AFM: variants seen among roughly 807,000 people sequenced by gnomAD.
The protein encoded by AFM is alpha-Alb.
Under a neutral mutation model 68.7 loss-of-function variants are expected in AFM, and 82 were observed. That is an observed-to-expected ratio of 1.19 (90% CI 1.00 to 1.43). AFM has a LOEUF of 1.43. Among genes scored for constraint, AFM ranks in the 40% most tolerant of loss-of-function variants. The probability of loss-of-function intolerance (pLI) is 0.00; values close to 1 mark genes in which losing one functional copy is unlikely to be tolerated. For synonymous variants in AFM, 250 were observed against 234.2 expected, an observed-to-expected ratio of 1.07 and a Z score of -0.61; for missense variants, 772 against 701.8, an observed-to-expected ratio of 1.10 and a Z score of -1.13.
intron 4 of AFM, 28 bp downstream of exon 4, chr4:73,486,101 C>T (rs756571033): frequency 3.2e-6 from 5 of 1,569,976 alleles, no homozygotes; most frequent in Admixed American, 1.7e-5. Flanking sequence ...AAAAAATGAT[C>T]CAGTTGAAGA....
intron 3 of AFM, among the ~76,000 whole-genome samples, chr4:73,485,605 A>C (rs1225550701): frequency 2.1e-4 from 31 of 146,152 alleles, no homozygotes; most frequent in African/African-American, 7.2e-4. Context: ...AGGAAGAGGA[A>C]GAGGAAGAGG....
At chr4:73,502,795 T>C (rs1040022193) in intron 13 of AFM, among the ~76,000 whole-genome samples, 1 of 152,308 alleles carries the variant, frequency 6.6e-6, no homozygotes, top group African/African-American at 2.4e-5. Flanking sequence ...GTAAAGGATA[T>C]TAATCAATAT....
intron 3 of AFM, 88 bp downstream of exon 3, chr4:73,484,478 C>A (rs1431871929): frequency 6.4e-6 from 4 of 624,536 alleles, no homozygotes; most frequent in Non-Finnish European, 7.4e-6. Flanking sequence ...TTCTTTCTTT[C>A]TTTCTTTCTT....
rs377059229 is a variant in AFM, at chr4:73,500,057, C to T, written c.1476C>T (p.Asn492=). The T allele has an allele frequency of 3.0e-5, 48 of 1,614,018 alleles. No individual in the cohort carries two copies. In the African/African-American group the frequency reaches 4.8e-4, roughly 16 times the overall value. ...GAGTAAATGAAAATCGAACTATCAA[C>T]CCTGCTGTGGACCACTGCTGTAAAA... The part of the protein sequence containing the change: ...LCGVNENRTI[N]PAVDHCCKTN... Residue 492 remains asparagine (N), a synonymous_variant, in exon 12 of 15, where the codon AAC becomes AAT. Coordinates refer to ENST00000226355, the MANE Select transcript of AFM (RefSeq NM_001133.2).
intron 12 of AFM, among the ~76,000 whole-genome samples, chr4:73,500,632 G>A (rs1360274659): frequency 6.6e-6 from 1 of 152,122 alleles, no homozygotes; most frequent in Non-Finnish European, 1.5e-5. Flanking sequence ...AAAATGCCAG[G>A]AAATTAGACC....
intron 12 of AFM, 59 bp downstream of exon 12, chr4:73,500,286 G>A: frequency 1.4e-6 from 2 of 1,422,862 alleles, no homozygotes; most frequent in East Asian, 2.5e-5. Context: ...CCATGTATTA[G>A]TGAGAAGGTT....
chr4:73,482,818 G>T (rs1720750974), intron 1 of AFM, among the ~76,000 whole-genome samples: 1 of 151,786 alleles, frequency 6.6e-6, no homozygotes, highest in Non-Finnish European at 1.5e-5. Flanking sequence ...TTTTCTATTT[G>T]TCTGGCACTG....
At chr4:73,488,499 T>C (rs1388283905) in intron 6 of AFM, 131 bp from the exon 7 acceptor site, 2 of 733,408 alleles carry the variant, frequency 2.7e-6, no homozygotes, top group East Asian at 5.9e-5. Context: ...GATAAAGACT[T>C]CTATAAAAAC....
Position 73,490,228 on chromosome 4 carries a change from AG to A in AFM, c.843+1471del, listed in dbSNP as rs574659146. 2.3e-3 allele frequency among the ~76,000 whole-genome samples: 346 copies of A among 151,900 alleles called. 2 individuals carry two copies. The highest frequency in any genetic ancestry group is 8.1e-3 in the African/African-American group (335 of 41,452). On this transcript the variant is annotated intron_variant, in intron 7 of 14. Coordinates refer to ENST00000226355, the MANE Select transcript of AFM (RefSeq NM_001133.2). ...AGAAAGAAAGAAAGATTCAACTTTT[AG>A]GCTTACAGTGAAGATAGCATGTCAA... is the stretch of plus-strand genomic sequence containing the variant.
chr4:73,490,528 T>A (rs1035639991), intron 7 of AFM, among the ~76,000 whole-genome samples: 2 of 152,188 alleles, frequency 1.3e-5, no homozygotes, highest in African/African-American at 4.8e-5. Flanking sequence ...CACGCCATTC[T>A]CCTGCCTCAG....
chr4:73,481,953 T>A, intron 1 of AFM, 90 bp downstream of exon 1: 1 of 930,776 alleles, frequency 1.1e-6, no homozygotes, highest in Non-Finnish European at 1.6e-6. Flanking sequence ...GTTAATTCTT[T>A]ACTTGCTTTT....
intron 7 of AFM, among the ~76,000 whole-genome samples, chr4:73,489,935 G>A (rs1353877750): frequency 6.6e-6 from 1 of 152,138 alleles, no homozygotes; most frequent in Admixed American, 6.5e-5. Flanking sequence ...GTATACCTAT[G>A]TAACAAGCCT....
chr4:73,495,522 G>T, intron 9 of AFM, 90 bp downstream of exon 9: 3 of 1,521,424 alleles, frequency 2.0e-6, no homozygotes, highest in Non-Finnish European at 2.7e-6. Context: ...TGCAGTCTGG[G>T]GGTAGAAAAT....
intron 10 of AFM, 31 bp from the exon 11 acceptor site, chr4:73,499,083 T>C (rs1489505530): frequency 6.2e-7 from 1 of 1,600,494 alleles, no homozygotes; most frequent in Non-Finnish European, 8.5e-7. Flanking sequence ...TCTGCTTTCA[T>C]TCAGAACCAA....
chr4:73,487,874 C>G, intron 6 of AFM, 53 bp downstream of exon 6: 2 of 1,285,460 alleles, frequency 1.6e-6, no homozygotes, highest in Non-Finnish European at 2.2e-6. Flanking sequence ...TGTCTGTGTC[C>G]CATTTTTGTT....
At chr4:73,482,003 C>G in intron 1 of AFM, 140 bp downstream of exon 1, 1 of 609,382 alleles carries the variant, frequency 1.6e-6, no homozygotes, top group East Asian at 3.1e-5. Context: ...ACCAGTTATC[C>G]AAAACTAACC....
rs775561120 is a variant in AFM, at chr4:73,481,843, C to A, written c.68C>A (p.Pro23His). ...TTTTTGACTGAATCCCTAACCCTGC[C>A]CACACAACCTCGGGATATAGGTAAG... Reference protein sequence around the residue: ...LFFLTESLTLPTQPRDIENFN... With the variant: ...LFFLTESLTLHTQPRDIENFN... The change falls in exon 1 of 15, where the codon CCC (proline) becomes CAC (histidine). Residue 23 changes from proline (P) to histidine (H), a missense_variant. By Grantham distance (77) the Pro-to-His change is moderately conservative. Transcript: ENST00000226355. 2 of 1,606,170 alleles carry A rather than the reference C, an allele frequency of 1.2e-6. No homozygotes were observed. Among genetic ancestry groups the A allele is most frequent in the South Asian group, 2.2e-5 (2 of 89,394 alleles).
chr4:73,502,163 T>A (rs994274431), intron 13 of AFM, among the ~76,000 whole-genome samples: 1 of 152,176 alleles, frequency 6.6e-6, no homozygotes, highest in Non-Finnish European at 1.5e-5. Flanking sequence ...GTCATGCAAC[T>A]TAAACTGAAT....
At chr4:73,501,975 A>G (rs898378515) in intron 13 of AFM, 56 bp downstream of exon 13, 117 of 1,587,406 alleles carry the variant, frequency 7.4e-5, no homozygotes, top group Non-Finnish European at 9.3e-5. Context: ...CAAATAAAAT[A>G]AAACAGAACC....
Sources: allele counts gnomAD v4.1 joint callset (sites outside exome capture counted in the v4.1 genomes callset), GRCh38; gene constraint gnomAD v4.1.1; transcripts MANE v1.5; gene names NCBI Gene and HGNC (gene_info 2026-07-23, HGNC 2026-07-21).